The following VWA8 variants were observed in gnomAD, a reference collection of about 807,000 sequenced individuals.
VWA8 encodes the protein von Willebrand factor A domain containing 8.
Under a neutral mutation model 241.5 loss-of-function variants are expected in VWA8, and 221 were observed. The ratio of observed to expected loss-of-function variants is 0.91; its 90% CI spans 0.82 to 1.02. VWA8 has a LOEUF of 1.02. Among genes scored for constraint, VWA8 ranks in the 50% least tolerant of loss-of-function variants. The pLI is 0.00. For synonymous variants in VWA8, 852 were observed against 827.1 expected (o/e 1.03, Z -0.52); for missense variants, 2,322 against 2,328.7 (o/e 1.00, Z 0.06).
intron 12 of VWA8, among the ~76,000 whole-genome samples, chr13:41,839,705 A>T (rs891130815): frequency 6.6e-6 from 1 of 152,062 alleles, no homozygotes; most frequent in Non-Finnish European, 1.5e-5. Context: ...ATGGTTGTAC[A>T]TGTGTGGTGT....
In VWA8 at chr13:41,787,417, G is replaced by T; in HGVS notation, c.2170+20C>A. 6.5e-7 allele frequency: 1 copy of T among 1,539,886 alleles called. No individual in the cohort carries two copies. Among genetic ancestry groups the T allele is most frequent in the South Asian group, 1.1e-5 (1 of 88,804 alleles). On this transcript the variant is annotated intron_variant, in intron 18 of 44. Transcript: ENST00000379310. ...TAATTATTATTTCACTTAAAAAAAA[G>T]AGCCAAATCAAATACTTACATTTGT...
At chr13:41,886,692 G>A (rs147496682) in intron 7 of VWA8, 89 bp downstream of exon 7, 366 of 1,087,518 alleles carry the variant, frequency 3.4e-4, no homozygotes, top group South Asian at 1.9e-3. Context: ...TCTAGTTGTT[G>A]AATGACTGAA....
chr13:41,925,111 C>G (rs1876769632), intron 2 of VWA8, among the ~76,000 whole-genome samples: 1 of 152,088 alleles, frequency 6.6e-6, no homozygotes, highest in Non-Finnish European at 1.5e-5. Context: ...ATAATATATT[C>G]AAAGTACTGA....
intron 2 of VWA8, among the ~76,000 whole-genome samples, chr13:41,934,011 A>G (rs942761535): frequency 6.6e-6 from 1 of 151,776 alleles, no homozygotes; most frequent in Non-Finnish European, 1.5e-5. Flanking sequence ...TTCAGAGAAC[A>G]CTATTAGGAG....
chr13:41,784,959 GA>G (rs1273248052), intron 18 of VWA8, among the ~76,000 whole-genome samples: 1 of 150,972 alleles, frequency 6.6e-6, no homozygotes, highest in Non-Finnish European at 1.5e-5. Context: ...GGTTGACCTA[GA>G]ATACATTATT....
intron 21 of VWA8, among the ~76,000 whole-genome samples, chr13:41,739,288 T>C (rs1394337629): frequency 3.9e-5 from 6 of 152,292 alleles, no homozygotes; most frequent in African/African-American, 1.4e-4. Context: ...GAAATAAAGT[T>C]AAAATGAATA....
intron 12 of VWA8, among the ~76,000 whole-genome samples, chr13:41,837,581 T>C (rs778925632): frequency 2.0e-5 from 3 of 152,246 alleles, no homozygotes; most frequent in Non-Finnish European, 4.4e-5. Context: ...TTTCTGTCTA[T>C]AGAATATTTG....
chr13:41,768,984 C>A (rs1347625722), intron 20 of VWA8, among the ~76,000 whole-genome samples: 1 of 151,272 alleles, frequency 6.6e-6, no homozygotes, highest in Non-Finnish European at 1.5e-5. Context: ...CTCACCGCAA[C>A]CTGCACCTCC....
intron 10 of VWA8, among the ~76,000 whole-genome samples, chr13:41,868,145 G>A (rs1291306623): frequency 1.3e-5 from 2 of 152,106 alleles, no homozygotes; most frequent in African/African-American, 4.8e-5. Flanking sequence ...TTGAATTTTT[G>A]ATGAAAGGCT....
intron 17 of VWA8, among the ~76,000 whole-genome samples, chr13:41,794,085 CT>C (rs918533724): frequency 6.8e-5 from 10 of 147,692 alleles, no homozygotes; most frequent in Middle Eastern, 3.4e-3. Context: ...TTGTCTCCAG[CT>C]TTTTTTTTTC....
chr13:41,718,104 AT>A (rs1032583476), intron 26 of VWA8, among the ~76,000 whole-genome samples: 1 of 151,976 alleles, frequency 6.6e-6, no homozygotes, highest in Non-Finnish European at 1.5e-5. Context: ...ATGTATTTTA[AT>A]TTTTATTTAT....
At chr13:41,679,866 AC>A (rs2045086291) in intron 35 of VWA8, among the ~76,000 whole-genome samples, 1 of 17,526 alleles carries the variant, frequency 5.7e-5, no homozygotes, top group East Asian at 1.1e-3. Context: ...CGGCCGCCCC[AC>A]CATTTCCTGC....
chr13:41,956,176 T>A (rs1248679953), intron 1 of VWA8, among the ~76,000 whole-genome samples: 3 of 152,200 alleles, frequency 2.0e-5, no homozygotes, highest in Non-Finnish European at 4.4e-5. Flanking sequence ...CTGTGTGTCA[T>A]GGACTGTTTA....
chr13:41,946,854 T>C (rs544430192), intron 2 of VWA8, among the ~76,000 whole-genome samples: 1 of 152,302 alleles, frequency 6.6e-6, no homozygotes, highest in South Asian at 2.1e-4. Flanking sequence ...CCTGTGTACT[T>C]CCTTGTAAAA....
chr13:41,721,118 A>G (rs975300302), intron 25 of VWA8, among the ~76,000 whole-genome samples: 9 of 152,178 alleles, frequency 5.9e-5, no homozygotes, highest in African/African-American at 2.2e-4. Context: ...CCTGCCCTCT[A>G]ACAGCCTCCC....
At chr13:41,707,849 C>T (rs1044455154) in intron 26 of VWA8, among the ~76,000 whole-genome samples, 2 of 152,284 alleles carry the variant, frequency 1.3e-5, no homozygotes, top group Admixed American at 6.5e-5. Flanking sequence ...TCAAATGTCA[C>T]TCCCCCTTGC....
chr13:41,576,844 T>A (rs760909063), intron 42 of VWA8, among the ~76,000 whole-genome samples: 1 of 152,250 alleles, frequency 6.6e-6, no homozygotes, highest in Non-Finnish European at 1.5e-5. Context: ...ACATGGACAG[T>A]AATGGCCCCT....
intron 14 of VWA8, among the ~76,000 whole-genome samples, chr13:41,828,435 T>C (rs1871274579): frequency 6.6e-6 from 1 of 152,212 alleles, no homozygotes; most frequent in African/African-American, 2.4e-5. Flanking sequence ...TGTAGCAAGA[T>C]AGAAAATAAC....
chr13:41,641,836 A>C (rs1030825528), intron 37 of VWA8, among the ~76,000 whole-genome samples: 5 of 152,048 alleles, frequency 3.3e-5, no homozygotes, highest in African/African-American at 4.8e-5. Flanking sequence ...GAAGTGGAAA[A>C]CCTTTCCTTG....
Sources: allele counts gnomAD v4.1 joint callset (sites outside exome capture counted in the v4.1 genomes callset), GRCh38; gene constraint gnomAD v4.1.1; transcripts MANE v1.5; gene names NCBI Gene and HGNC (gene_info 2026-07-23, HGNC 2026-07-21).